KIAA1217: variants seen among roughly 807,000 people sequenced by gnomAD.
The protein encoded by KIAA1217 is KIAA1217, also known as sickle tail protein homolog.
KIAA1217 carries 88 observed loss-of-function variants against 163.9 expected under a neutral mutation model. The observed-to-expected ratio is 0.54, with a 90% CI of 0.45 to 0.64. KIAA1217 has a LOEUF of 0.64. Ranked by LOEUF, KIAA1217 falls within the 30% of genes least tolerant of loss-of-function variation. The probability of loss-of-function intolerance (pLI) is 0.00; values close to 1 mark genes in which losing one functional copy is unlikely to be tolerated. For missense variants in KIAA1217, 2,372 were observed against 2,475.0 expected (o/e 0.96, Z 0.88); for synonymous variants, 903 against 923.1 (o/e 0.98, Z 0.39).
intron 2 of KIAA1217, among the ~76,000 whole-genome samples, chr10:24,315,671 G>A (rs1037410042): frequency 6.6e-6 from 1 of 151,722 alleles, no homozygotes; most frequent in Admixed American, 6.6e-5. Context: ...GCTTGAGGCA[G>A]GAGGATCGAA....
chr10:23,840,882 A>G lies in KIAA1217; in HGVS notation c.-321+145648A>G, dbSNP rs191629422. Among the ~76,000 whole-genome samples the G allele has an allele frequency of 1.3e-3, 191 of 152,236 alleles. 1 individual carries two copies. The highest frequency in any genetic ancestry group is 4.5e-3 in the African/African-American group (186 of 41,552). The stretch of plus-strand genomic sequence containing the variant: ...TGTACTTGCATTTTTCCCATCTTCT[A>G]TTTCAAGAGGAGCCATAGAATAGTG... On this transcript the variant is annotated intron_variant, in intron 1 of 18. Transcript: ENST00000376462.
intron 2 of KIAA1217, among the ~76,000 whole-genome samples, chr10:24,339,428 A>G (rs1406942479): frequency 6.6e-6 from 1 of 152,234 alleles, no homozygotes; most frequent in Admixed American, 6.5e-5. Context: ...CACCTCTTGT[A>G]AAGAATTTAC....
intron 2 of KIAA1217, among the ~76,000 whole-genome samples, chr10:24,293,225 T>C (rs1021057526): frequency 6.6e-6 from 1 of 152,032 alleles, no homozygotes; most frequent in Non-Finnish European, 1.5e-5. Context: ...TTGTTGTTGT[T>C]GTTTGTTTTG....
intron 2 of KIAA1217, among the ~76,000 whole-genome samples, chr10:24,113,037 C>A (rs1305278168): frequency 2.6e-5 from 4 of 152,110 alleles, no homozygotes; most frequent in Non-Finnish European, 4.4e-5. Context: ...CTCTCTCCAG[C>A]CTCCAGGAGG....
intron 9 of KIAA1217, among the ~76,000 whole-genome samples, chr10:24,508,148 C>G (rs1381732555): frequency 6.6e-6 from 1 of 151,968 alleles, no homozygotes; most frequent in Non-Finnish European, 1.5e-5. Context: ...GTAACTGAAT[C>G]CAGCAATATA....
chr10:23,738,613 AATGTTT>A (rs577579601), intron 1 of KIAA1217, among the ~76,000 whole-genome samples: 2 of 141,884 alleles, frequency 1.4e-5, no homozygotes, highest in South Asian at 4.3e-4. Context: ...TATCTTTAGA[AATGTTT>A]TTTTTTCTAT....
chr10:23,931,178 T>G (rs918710676), intron 1 of KIAA1217, among the ~76,000 whole-genome samples: 1 of 152,110 alleles, frequency 6.6e-6, no homozygotes, highest in Non-Finnish European at 1.5e-5. Context: ...AACATTATGT[T>G]AAATTCATTA....
At chr10:23,968,389 T>C (rs1299035745) in intron 1 of KIAA1217, among the ~76,000 whole-genome samples, 1 of 152,222 alleles carries the variant, frequency 6.6e-6, no homozygotes, top group African/African-American at 2.4e-5. Context: ...TTTTTCTTTC[T>C]TGGCTACGTA....
At chr10:24,104,695 G>A (rs1644871520) in intron 2 of KIAA1217, among the ~76,000 whole-genome samples, 2 of 152,210 alleles carry the variant, frequency 1.3e-5, no homozygotes. Flanking sequence ...CTCGTTGATT[G>A]TAATAAATGT....
Position 24,405,674 on chromosome 10 carries a change from A to G in KIAA1217, c.553+24607A>G, listed in dbSNP as rs563899567. On this transcript the variant is annotated intron_variant, in intron 3 of 20. Transcript: ENST00000376454. ...CTGAGCATCTGCCCTGTGTCTGGAA[A>G]CCTGCTAACATCACAGTCTCTATTA... Among the ~76,000 whole-genome samples the G allele has an allele frequency of 2.0e-5, 3 of 152,322 alleles. No homozygotes were observed. The East Asian group carries it at 5.8e-4, about 29-fold the overall frequency.
At chr10:24,421,274 G>A (rs2058713473) in intron 3 of KIAA1217, among the ~76,000 whole-genome samples, 1 of 152,160 alleles carries the variant, frequency 6.6e-6, no homozygotes, top group African/African-American at 2.4e-5. Context: ...CCAGAGTGCT[G>A]GGATTACAGA....
intron 5 of KIAA1217, among the ~76,000 whole-genome samples, chr10:24,463,242 C>T (rs7086273): frequency 1 from 152,311 of 152,314 alleles, 76,154 homozygotes; most frequent in Non-Finnish European, 1. Context: ...CATTACTTCT[C>T]TATTCTGCTC....
intron 1 of KIAA1217, among the ~76,000 whole-genome samples, chr10:23,714,698 T>C (rs1423509569): frequency 6.6e-6 from 1 of 152,122 alleles, no homozygotes; most frequent in Non-Finnish European, 1.5e-5. Context: ...TTTTCTATTC[T>C]GTTTTGTGAA....
intron 3 of KIAA1217, among the ~76,000 whole-genome samples, chr10:24,427,835 C>T (rs1023088426): frequency 3.9e-5 from 6 of 152,174 alleles, no homozygotes; most frequent in South Asian, 2.1e-4. Context: ...AAAACGCCAT[C>T]GGATATTAAG....
intron 2 of KIAA1217, among the ~76,000 whole-genome samples, chr10:24,337,162 C>A (rs2046449335): frequency 6.6e-6 from 1 of 152,152 alleles, no homozygotes; most frequent in South Asian, 2.1e-4. Flanking sequence ...AATCGTACAC[C>A]TGATAAGGGA....
rs377546834 is a variant in KIAA1217 at position 24,473,215 on chromosome 10, G to A, written c.847-13G>A. ...ATCAAAGTCAACTTTCTGATCCCTT[G>A]TTTTCTTTTCAGATGCAGAGAGAAC... On this transcript the variant is annotated splice_polypyrimidine_tract_variant and intron_variant, in intron 5 of 20. Coordinates refer to ENST00000376454, the MANE Select transcript of KIAA1217 (RefSeq NM_019590.5). 78 of 1,503,852 alleles carry A rather than the reference G, an allele frequency of 5.2e-5. No individual in the cohort carries two copies. Among genetic ancestry groups the A allele is most frequent in the Admixed American group, 1.8e-4 (8 of 43,870 alleles). 93.2% of individuals were successfully genotyped at this position (1,503,852 alleles called of 1,614,324 possible).
chr10:23,855,475 A>G (rs921381187), intron 1 of KIAA1217, among the ~76,000 whole-genome samples: 1 of 152,124 alleles, frequency 6.6e-6, no homozygotes, highest in Non-Finnish European at 1.5e-5. Flanking sequence ...ACTTTGGTGA[A>G]TCTGACAATT....
At chr10:23,874,337 C>T (rs925094416) in intron 1 of KIAA1217, among the ~76,000 whole-genome samples, 2 of 151,942 alleles carry the variant, frequency 1.3e-5, no homozygotes, top group Non-Finnish European at 2.9e-5. Flanking sequence ...ATTTTTCTCT[C>T]TTTCAGATGT....
chr10:24,022,215 A>C (rs922594963), intron 2 of KIAA1217, among the ~76,000 whole-genome samples: 13 of 151,660 alleles, frequency 8.6e-5, no homozygotes, highest in African/African-American at 2.7e-4. Flanking sequence ...TTTAAAAAAA[A>C]CTTGCATGCA....
Sources: allele counts gnomAD v4.1 joint callset (sites outside exome capture counted in the v4.1 genomes callset), GRCh38; gene constraint gnomAD v4.1.1; transcripts MANE v1.5; gene names NCBI Gene and HGNC (gene_info 2026-07-23, HGNC 2026-07-21).